The following ZNF823 variants were observed in gnomAD, a reference collection of about 807,000 sequenced individuals.
ZNF823 encodes ZFP 36 for a zinc finger protein.
A neutral mutation model predicts 11.4 loss-of-function variants in ZNF823; 5 were observed. The ratio of observed to expected loss-of-function variants is 0.44; its 90% CI spans 0.23 to 0.92. ZNF823 has a LOEUF of 0.92. Ranked by LOEUF, ZNF823 falls within the 40% of genes least tolerant of loss-of-function variation. The pLI, the probability that ZNF823 is intolerant of heterozygous loss-of-function variation, is 0.24. For synonymous variants in ZNF823, 234 were observed against 250.5 expected, an observed-to-expected ratio of 0.93 and a Z score of 0.62; for missense variants, 582 against 738.5, an observed-to-expected ratio of 0.79 and a Z score of 2.46.
Position 11,722,767 on chromosome 19 carries a change from G to C in ZNF823, c.767C>G (p.Ala256Gly). Residue 256 changes from alanine to glycine, a missense_variant, in exon 4 of 4, where the codon GCC becomes GGC. This residue lies in a region of ZNF823 where 429 missense variants were observed against 553.7 expected (regional missense o/e 0.77). Transcript: ENST00000341191. This position sits in a 1 kb window ranked among gnomAD's most constrained non-coding sequence, Gnocchi z 5.2. ...KAYECKQCSK[A>G]FPDYSTYLRH... The stretch of plus-strand genomic sequence containing the variant: ...TAGATAGGTACTGTAATCAGGAAAG[G>C]CTTTGGAACACTGCTTACATTCATA... 6.2e-7 allele frequency: 1 copy of C among 1,614,102 alleles called. No individual in the cohort carries two copies.
rs1242396428 is a variant in ZNF823 at position 11,723,151 on chromosome 19, T to A, written c.383A>T (p.His128Leu). 1.9e-6 allele frequency: 3 copies of A among 1,614,246 alleles called. No individual in the cohort carries two copies. In the African/African-American group the frequency reaches 4.0e-5, roughly 22 times the overall value. The part of the protein sequence containing the change: ...RVDTGHKSCE[H>L]QEYGEKPYTH... ...ATATGGCTTCTCTCCATATTCCTGA[T>A]GCTCACATGATTTGTGTCCAGTGTC... The change falls in exon 4 of 4, where the codon CAT (histidine) becomes CTT (leucine). Residue 128 changes from histidine to leucine, a missense_variant. Coordinates refer to ENST00000341191, the MANE Select transcript of ZNF823 (RefSeq NM_001080493.4).
chr19:11,724,329 T>C (rs879346669), intron 2 of ZNF823, 75 bp from the exon 3 acceptor site: 101 of 1,313,678 alleles, frequency 7.7e-5, no homozygotes, highest in Non-Finnish European at 1.0e-4. Context: ...TTACGCGTAC[T>C]GCAATCATGC....
At chr19:11,729,482 A>G (rs928040471) in intron 1 of ZNF823, among the ~76,000 whole-genome samples, 3 of 152,230 alleles carry the variant, frequency 2.0e-5, no homozygotes, top group African/African-American at 7.2e-5. Context: ...AAACTTATAA[A>G]ACCACATAGC....
chr19:11,729,899 T>C (rs1974861027), intron 1 of ZNF823, among the ~76,000 whole-genome samples: 1 of 152,200 alleles, frequency 6.6e-6, no homozygotes, highest in Admixed American at 6.6e-5. Flanking sequence ...GATCCAGGGC[T>C]TATATCTTGT....
intron 1 of ZNF823, among the ~76,000 whole-genome samples, chr19:11,728,442 T>G (rs774593169): frequency 6.6e-6 from 1 of 152,148 alleles, no homozygotes; most frequent in Non-Finnish European, 1.5e-5. Context: ...ACAAATTTGT[T>G]TGAAATAATA....
Position 11,721,969 on chromosome 19 carries a change from G to C in ZNF823, c.1565C>G (p.Ser522Cys). 6.2e-7 allele frequency: 1 copy of C among 1,614,174 alleles called. No individual in the cohort carries two copies. The highest frequency in any genetic ancestry group is 2.2e-5 in the East Asian group (1 of 44,870). ...SNLKVHERIH[S>C]GEKPYECKEC... ...CTTACATTCATATGGCTTCTCTCCA[G>C]AGTGAATCCTTTCATGGACTTTTAA... Residue 522 changes from serine (S) to cysteine (C), a missense_variant, in exon 4 of 4, where the codon TCT (serine) becomes TGT (cysteine). By Grantham distance (112) the Ser-to-Cys change is moderately radical. This residue lies in a region of ZNF823 where 144 missense variants were observed against 154.3 expected (regional missense o/e 0.93). Transcript: ENST00000341191.
At position 11,722,107 on chromosome 19, in the gene ZNF823, C is replaced by T. The variant is rs1974693877; in HGVS notation, c.1427G>A (p.Cys476Tyr). ...TTTGAAACAACTGAATGCTTTCCCA[C>T]ATTCCTTACACTCATATGGCTTCTC... is the stretch of plus-strand genomic sequence containing the variant. The part of the protein sequence containing the change: ...TGEKPYECKE[C>Y]GKAFSCFKYL... Residue 476 changes from cysteine to tyrosine, a missense_variant, in exon 4 of 4, where the codon TGT becomes TAT. This residue lies in a region of ZNF823 where 9 missense variants were observed against 30.5 expected (regional missense o/e 0.29). Transcript: ENST00000341191. This position sits in a 1 kb window ranked among gnomAD's most constrained non-coding sequence, Gnocchi z 5.2. 2.5e-6 allele frequency: 4 copies of T among 1,613,290 alleles called. No individual in the cohort carries two copies. Among genetic ancestry groups the T allele is most frequent in the Non-Finnish European group, 3.4e-6 (4 of 1,179,796 alleles).
At chr19:11,725,877 T>C (rs1974780011) in intron 1 of ZNF823, 1 of 153,968 alleles carries the variant, frequency 6.5e-6, no homozygotes, top group African/African-American at 2.4e-5. Context: ...GAAGGATCAC[T>C]TAAGAACAGG....
chr19:11,738,005 C>G (rs1417622303), intron 1 of ZNF823, among the ~76,000 whole-genome samples: 2 of 152,184 alleles, frequency 1.3e-5, no homozygotes, highest in Non-Finnish European at 2.9e-5. Flanking sequence ...GCCTGGTGAC[C>G]CTCCGTTGTC....
chr19:11,722,079 G>C lies in ZNF823; in HGVS notation c.1455C>G (p.Tyr485Ter), dbSNP rs1253663632. 3 of 1,612,428 alleles carry C rather than the reference G, an allele frequency of 1.9e-6. No homozygotes were observed. Reference protein sequence around the residue: ...ECGKAFSCFKYLSQHKRTHTV... With the variant: ...ECGKAFSCFK ...TGTGGGTCCTTTTATGTTGAGAAAG[G>C]TATTTGAAACAACTGAATGCTTTCC... is the stretch of plus-strand genomic sequence containing the variant. Residue 485 changes from tyrosine (Y) to a stop codon, truncating the protein, a stop_gained, in exon 4 of 4, where the codon TAC becomes TAG. Coordinates refer to ENST00000341191, the MANE Select transcript of ZNF823 (RefSeq NM_001080493.4). LOFTEE classifies it low-confidence loss of function (END_TRUNC). This position sits in a 1 kb window ranked among gnomAD's most constrained non-coding sequence, Gnocchi z 5.2.
intron 1 of ZNF823, among the ~76,000 whole-genome samples, chr19:11,731,726 A>AAGGCC (rs1365526604): frequency 6.6e-6 from 1 of 152,082 alleles, no homozygotes; most frequent in African/African-American, 2.4e-5. Flanking sequence ...TAACTGGCTA[A>AAGGCC]AGGCCAGGCG....
At chr19:11,733,862 C>A (rs1974946923) in intron 1 of ZNF823, among the ~76,000 whole-genome samples, 1 of 152,124 alleles carries the variant, frequency 6.6e-6, no homozygotes, top group South Asian at 2.1e-4. Context: ...TAAACAAACA[C>A]AGTGAATGTA....
intron 2 of ZNF823, 110 bp downstream of exon 2, chr19:11,725,091 G>A: frequency 7.1e-7 from 1 of 1,411,000 alleles, no homozygotes; most frequent in Non-Finnish European, 9.6e-7. Flanking sequence ...ACCCTGTGTT[G>A]TTCAAGGGTC....
Position 11,738,800 on chromosome 19 carries a change from G to T in ZNF823, c.3+17C>A. 6.2e-7 allele frequency: 1 copy of T among 1,609,330 alleles called. No individual in the cohort carries two copies. Among genetic ancestry groups the T allele is most frequent in the South Asian group, 1.1e-5 (1 of 90,370 alleles). ...TGCCCCTTCTTTGCCTCGGGACGCC[G>T]GGCCCCGCACACTCACCATTTCCCA... On this transcript the variant is annotated intron_variant, in intron 1 of 3. Transcript: ENST00000341191.
At position 11,722,844 on chromosome 19, in the gene ZNF823, A is replaced by T. The variant is rs1406593738; in HGVS notation, c.690T>A (p.Pro230=). The T allele has an allele frequency of 1.2e-6, 2 of 1,614,012 alleles. No individual in the cohort carries two copies. Among genetic ancestry groups the T allele is most frequent in the East Asian group, 2.2e-5 (1 of 44,874 alleles). ...CATGTCTTAGATAGGAACTGTAAAA[A>T]GGAAAGGCTTTAGAACACTGCTTAC... ...YECKQCSKAF[P]FYSSYLRHER... is the part of the protein sequence containing the mutation. Residue 230 remains proline (P), a synonymous_variant, in exon 4 of 4, where the codon CCT becomes CCA. Transcript: ENST00000341191. This position sits in a 1 kb window ranked among gnomAD's most constrained non-coding sequence, Gnocchi z 5.2.
rs1974707032 is a variant in ZNF823, at chr19:11,722,532, AC to A, written c.1001del (p.Cys334LeufsTer46). On this transcript the variant is annotated frameshift_variant, in exon 4 of 4. Transcript: ENST00000341191. LOFTEE classifies it low-confidence loss of function (END_TRUNC). This position sits in a 1 kb window ranked among gnomAD's most constrained non-coding sequence, Gnocchi z 5.2. ...IRHTGDGPHK[C>X]KICGKGFDCP... ...AATCAAAGCCTTTCCCACATATCTT[AC>A]ATTTATGTGGTCCGTCTCCAGTGTG... 7 of 1,614,002 alleles carry A rather than the reference AC, an allele frequency of 4.3e-6. No individual in the cohort carries two copies. Among genetic ancestry groups the A allele is most frequent in the Non-Finnish European group, 5.1e-6 (6 of 1,180,024 alleles).
rs759157748 is a variant in ZNF823 at position 11,723,356 on chromosome 19, G to T, written c.192-14C>A. On this transcript the variant is annotated splice_polypyrimidine_tract_variant and intron_variant, in intron 3 of 3. Coordinates refer to ENST00000341191, the MANE Select transcript of ZNF823 (RefSeq NM_001080493.4). ...CATGTATGACTTCTGTAACAAATAA[G>T]AAATATATTACTAAAGGTTTGTTTA... 1.1e-5 allele frequency: 17 copies of T among 1,560,324 alleles called. No homozygotes were observed. The African/African-American group carries it at 2.1e-4, about 19-fold the overall frequency.
At chr19:11,732,599 AT>A (rs965672034) in intron 1 of ZNF823, among the ~76,000 whole-genome samples, 1 of 151,586 alleles carries the variant, frequency 6.6e-6, no homozygotes, top group African/African-American at 2.4e-5. Flanking sequence ...GCGCCCGGCC[AT>A]TTTTTTGTAT....
At chr19:11,724,301 T>C (rs781278580) in intron 2 of ZNF823, 47 bp from the exon 3 acceptor site, 8 of 1,545,030 alleles carry the variant, frequency 5.2e-6, no homozygotes, top group Middle Eastern at 1.7e-4. Context: ...TACAAAATTA[T>C]AGAAAAACTC....
Sources: allele counts gnomAD v4.1 joint callset (sites outside exome capture counted in the v4.1 genomes callset), GRCh38; gene constraint gnomAD v4.1.1; regional missense constraint gnomAD v4.1.1; non-coding constraint Gnocchi (gnomAD v3.1); transcripts MANE v1.5; gene names NCBI Gene and HGNC (gene_info 2026-07-23, HGNC 2026-07-21).